The following ATP8B4 variants were observed in gnomAD, a reference collection of about 807,000 sequenced individuals.
ATP8B4 encodes probable phospholipid-transporting ATPase IM.
Under a neutral mutation model 145.6 loss-of-function variants are expected in ATP8B4, and 133 were observed. The ratio of observed to expected loss-of-function variants is 0.91; its 90% CI spans 0.79 to 1.05. The LOEUF (loss-of-function observed/expected upper bound fraction) is 1.05, where lower values mean the gene tolerates loss of function less well. Among genes scored for constraint, ATP8B4 ranks in the 50% least tolerant of loss-of-function variants. ATP8B4 has a pLI of 0.00. For missense variants in ATP8B4, 1,458 were observed against 1,425.2 expected (o/e 1.02, Z -0.37); for synonymous variants, 507 against 492.9 (o/e 1.03, Z -0.38).
At chr15:50,069,644 G>A (rs1036031707) in intron 3 of ATP8B4, among the ~76,000 whole-genome samples, 1 of 152,154 alleles carries the variant, frequency 6.6e-6, no homozygotes, top group Non-Finnish European at 1.5e-5. Context: ...ATGAGGAAAG[G>A]CAAAGTGATT....
intron 1 of ATP8B4, among the ~76,000 whole-genome samples, chr15:50,165,404 C>T (rs923477127): frequency 6.6e-6 from 1 of 152,136 alleles, no homozygotes; most frequent in Non-Finnish European, 1.5e-5. Flanking sequence ...TGTTCACTCA[C>T]CTGGTTTTTT....
intron 5 of ATP8B4, among the ~76,000 whole-genome samples, chr15:50,040,458 A>G (rs1430152442): frequency 1.3e-5 from 2 of 152,128 alleles, no homozygotes; most frequent in East Asian, 1.9e-4. Flanking sequence ...AATCCACCCA[A>G]TTTCAGGATA....
intron 1 of ATP8B4, among the ~76,000 whole-genome samples, chr15:50,115,166 G>A (rs913585151): frequency 3.3e-5 from 5 of 151,982 alleles, no homozygotes; most frequent in Admixed American, 6.6e-5. Context: ...GAAACATGGC[G>A]AAACCCTGTC....
chr15:50,065,223 T>C (rs2053296605), intron 3 of ATP8B4, among the ~76,000 whole-genome samples: 1 of 152,152 alleles, frequency 6.6e-6, no homozygotes, highest in East Asian at 1.9e-4. Context: ...ATATATACAA[T>C]TTTTATTTGT....
intron 26 of ATP8B4, among the ~76,000 whole-genome samples, chr15:49,865,992 G>A (rs2032724761): frequency 6.6e-6 from 1 of 152,196 alleles, no homozygotes; most frequent in African/African-American, 2.4e-5. Flanking sequence ...TGGCATAAAA[G>A]GAGAGTCTAG....
chr15:49,911,459 GTAAGAGGATATTACAA>G (rs1000638449), intron 20 of ATP8B4, among the ~76,000 whole-genome samples: 4 of 152,004 alleles, frequency 2.6e-5, no homozygotes, highest in East Asian at 3.9e-4. Context: ...GATCAGTTCA[GTAAGAGGATATTACAA>G]TAAGAGGATA....
At chr15:49,908,067 C>T (rs528029823) in intron 20 of ATP8B4, 7 of 455,932 alleles carry the variant, frequency 1.5e-5, no homozygotes, top group Non-Finnish European at 3.1e-5. Context: ...TCGACTTCCT[C>T]ATATGTCCAA....
chr15:49,951,909 ATT>A (rs933886163), intron 14 of ATP8B4, among the ~76,000 whole-genome samples: 2 of 152,090 alleles, frequency 1.3e-5, no homozygotes, highest in Non-Finnish European at 2.9e-5. Flanking sequence ...ATCCCTCAGC[ATT>A]TGCTTATCTG....
At position 49,867,612 on chromosome 15, in the gene ATP8B4, C is replaced by T. The variant is rs117500165; in HGVS notation, c.3028-1128G>A. Among the ~76,000 whole-genome samples the T allele has an allele frequency of 7.9e-4, 120 of 152,252 alleles. No homozygotes were observed. The East Asian group carries it at 0.014, about 17-fold the overall frequency. Reference sequence around the variant, plus strand: ...TTAGTTTAACACTCTCAAGAGTCAACGATAGCCTGATCTGTGTGGGTAAGA... The same window carrying T: ...TTAGTTTAACACTCTCAAGAGTCAATGATAGCCTGATCTGTGTGGGTAAGA... On this transcript the variant is annotated intron_variant, in intron 25 of 27. Transcript: ENST00000284509.
chr15:49,866,694 A>G (rs2032849640), intron 25 of ATP8B4, among the ~76,000 whole-genome samples: 2 of 152,342 alleles, frequency 1.3e-5, no homozygotes, highest in South Asian at 4.1e-4. Flanking sequence ...TAGAACTTCT[A>G]TACGCAAGCC....
chr15:49,904,985 A>G (rs995829773), intron 20 of ATP8B4, among the ~76,000 whole-genome samples: 1 of 152,200 alleles, frequency 6.6e-6, no homozygotes, highest in African/African-American at 2.4e-5. Context: ...TCAAAATTAA[A>G]TTCTCAGTCT....
At chr15:49,926,456 G>A (rs1457933481) in intron 16 of ATP8B4, among the ~76,000 whole-genome samples, 1 of 151,972 alleles carries the variant, frequency 6.6e-6, no homozygotes, top group African/African-American at 2.4e-5. Flanking sequence ...TTCCAGTACT[G>A]CTTCCTTCCA....
At chr15:49,909,443 C>A (rs2038990599) in intron 20 of ATP8B4, among the ~76,000 whole-genome samples, 1 of 152,160 alleles carries the variant, frequency 6.6e-6, no homozygotes, top group Non-Finnish European at 1.5e-5. Flanking sequence ...ATGCCTGCAG[C>A]CCAGGGGCCC....
rs559412400 is a variant in ATP8B4, at chr15:50,103,351, ACT to A, written c.28+3586_28+3587del. The stretch of plus-strand genomic sequence containing the variant: ...ATCACACACCTAGAAAACCCTAAAG[ACT>A]CTTCCAAAAAGCTCCTAGAAACGGT... On this transcript the variant is annotated intron_variant, in intron 2 of 27. Transcript: ENST00000284509. Among the ~76,000 whole-genome samples, 22 of 152,110 alleles carry A rather than the reference ACT, an allele frequency of 1.4e-4. No individual in the cohort carries two copies. The South Asian group carries it at 2.5e-3, about 17-fold the overall frequency.
intron 3 of ATP8B4, among the ~76,000 whole-genome samples, chr15:50,049,652 A>G (rs1319841605): frequency 6.6e-6 from 1 of 152,082 alleles, no homozygotes; most frequent in Non-Finnish European, 1.5e-5. Context: ...TTTATTTTCC[A>G]TTGGGTGTAT....
intron 10 of ATP8B4, chr15:49,982,329 T>G (rs2046229166): frequency 6.6e-6 from 1 of 152,234 alleles, no homozygotes; most frequent in Non-Finnish European, 1.5e-5. Flanking sequence ...ATCCTATTCC[T>G]AGCTACTGCT....
intron 1 of ATP8B4, among the ~76,000 whole-genome samples, chr15:50,112,526 T>C (rs1595598900): frequency 6.6e-6 from 1 of 152,054 alleles, no homozygotes. Flanking sequence ...CTCCTTTCTC[T>C]GTTCCGTTCG....
chr15:50,011,824 A>G (rs1346305357), intron 6 of ATP8B4, among the ~76,000 whole-genome samples: 3 of 152,172 alleles, frequency 2.0e-5, no homozygotes, highest in Non-Finnish European at 4.4e-5. Context: ...CCCTTCTAAG[A>G]GAAAAGGTTG....
chr15:49,884,613 G>GAAAAAAA (rs60012082), intron 23 of ATP8B4, among the ~76,000 whole-genome samples: 15 of 117,652 alleles, frequency 1.3e-4, no homozygotes, highest in Non-Finnish European at 2.0e-4. Flanking sequence ...CAAAAAAAAA[G>GAAAAAAA]AAAAAAAAAA....
Sources: gnomAD v4.1 joint callset for allele counts (sites outside exome capture counted in the v4.1 genomes callset) on GRCh38, gnomAD v4.1.1 for gene constraint, MANE v1.5 for transcripts, NCBI Gene and HGNC (gene_info 2026-07-23, HGNC 2026-07-21) for gene names.